CLMN: variants seen among roughly 807,000 people sequenced by gnomAD.
The protein encoded by CLMN is calmin.
CLMN carries 57 observed loss-of-function variants against 92.7 expected under a neutral mutation model. The ratio of observed to expected loss-of-function variants is 0.61; its 90% CI spans 0.50 to 0.77. The LOEUF is 0.77. CLMN is among the 30% of genes least tolerant of loss of function. The pLI is 0.00. For missense variants in CLMN, 1,158 were observed against 1,237.5 expected (o/e 0.94, Z 0.96); for synonymous variants, 466 against 470.6 (o/e 0.99, Z 0.13).
Position 95,204,211 on chromosome 14 carries a change from T to C in CLMN, c.1138A>G (p.Met380Val). 1.9e-6 allele frequency: 3 copies of C among 1,614,144 alleles called. No individual in the cohort carries two copies. The highest frequency in any genetic ancestry group is 2.5e-6 in the Non-Finnish European group (3 of 1,180,028). The change falls in exon 9 of 13, where the codon ATG becomes GTG. Residue 380 changes from methionine to valine, a missense_variant. Coordinates refer to ENST00000298912, the MANE Select transcript of CLMN (RefSeq NM_024734.4). ...HALSDSSTEF[M>V]HQIIDQVLQG... ...AGGACCTGGTCAATAATCTGGTGCA[T>C]GAACTCGGTGGAGCTGTCTGACAGC...
chr14:95,285,837 T>G (rs1033105110), intron 1 of CLMN, among the ~76,000 whole-genome samples: 1 of 151,956 alleles, frequency 6.6e-6, no homozygotes, highest in Non-Finnish European at 1.5e-5. Context: ...CCTCCACTCA[T>G]GTCCACAGCA....
At chr14:95,192,013 G>A in intron 12 of CLMN, 1 of 306,634 alleles carries the variant, frequency 3.3e-6, no homozygotes, top group South Asian at 8.5e-5. Flanking sequence ...ACACACTGAG[G>A]CTTTCGGGGT....
chr14:95,235,797 G>C (rs1442188461), intron 1 of CLMN, among the ~76,000 whole-genome samples: 5 of 152,168 alleles, frequency 3.3e-5, no homozygotes, highest in African/African-American at 1.2e-4. Flanking sequence ...CAGCTTCCGA[G>C]ACGCTGCTTG....
intron 1 of CLMN, among the ~76,000 whole-genome samples, chr14:95,264,881 T>TG (rs1283164259): frequency 2.0e-5 from 3 of 148,804 alleles, no homozygotes; most frequent in Admixed American, 1.4e-4. Flanking sequence ...GAGACCAGCC[T>TG]GGGCAACATG....
At chr14:95,268,775 GA>G (rs1899581882) in intron 1 of CLMN, among the ~76,000 whole-genome samples, 1 of 147,300 alleles carries the variant, frequency 6.8e-6, no homozygotes, top group African/African-American at 2.5e-5. Context: ...GGTATACTGG[GA>G]CCTCTCTCTC....
chr14:95,200,162 C>T (rs905720915), intron 9 of CLMN, among the ~76,000 whole-genome samples: 8 of 152,188 alleles, frequency 5.3e-5, no homozygotes, highest in South Asian at 2.1e-4. Flanking sequence ...CTTAGTCCCT[C>T]TACCCAGAAC....
intron 1 of CLMN, among the ~76,000 whole-genome samples, chr14:95,305,254 T>C (rs1901228593): frequency 1.3e-5 from 2 of 152,264 alleles, no homozygotes; most frequent in Non-Finnish European, 2.9e-5. Flanking sequence ...AAATAACTTG[T>C]CCAAAATCAT....
At chr14:95,319,670 C>T in intron 1 of CLMN, 41 bp downstream of exon 1, 1 of 1,532,202 alleles carries the variant, frequency 6.5e-7, no homozygotes, top group Non-Finnish European at 8.8e-7. Context: ...CCGGGCCCCC[C>T]GAGCGCCCAG....
intron 8 of CLMN, among the ~76,000 whole-genome samples, 187 bp downstream of exon 8, chr14:95,209,208 A>G (rs1414596047): frequency 6.6e-6 from 1 of 152,202 alleles, no homozygotes; most frequent in African/African-American, 2.4e-5. Flanking sequence ...TATCCCCCGC[A>G]TATGAGGGGG....
intron 1 of CLMN, among the ~76,000 whole-genome samples, chr14:95,255,525 C>T (rs899687597): frequency 2.6e-5 from 4 of 152,126 alleles, no homozygotes; most frequent in African/African-American, 4.8e-5. Context: ...ATATAGGGTT[C>T]GGCACTATCT....
At position 95,231,970 on chromosome 14, in the gene CLMN, G is replaced by A. The variant is rs185398437; in HGVS notation, c.83-1837C>T. ...CTTCAGATGGGACAATCGCGCCCAG[G>A]GAGATGTTGTAACTTGTCCAAGGTC... On this transcript the variant is annotated intron_variant, in intron 1 of 12. Coordinates refer to ENST00000298912, the MANE Select transcript of CLMN (RefSeq NM_024734.4). Among the ~76,000 whole-genome samples, 39 of 152,350 alleles carry A rather than the reference G, an allele frequency of 2.6e-4. No individual in the cohort carries two copies. In the East Asian group the frequency reaches 6.5e-3, roughly 26 times the overall value.
In CLMN at chr14:95,224,525, C is replaced by T. The variant is rs368403214; in HGVS notation, c.145-670G>A. 2.4e-4 allele frequency among the ~76,000 whole-genome samples: 37 copies of T among 152,192 alleles called. No homozygotes were observed. In the East Asian group the frequency reaches 6.0e-3, roughly 25 times the overall value. ...CTCGAACTCCTGACCTCAGGTGATC[C>T]GCCCGCCTCGGCCTCCCAAAGTGCT... On this transcript the variant is annotated intron_variant, in intron 2 of 12. Coordinates refer to ENST00000298912, the MANE Select transcript of CLMN (RefSeq NM_024734.4).
Position 95,188,053 on chromosome 14 carries a change from G to C in CLMN, c.*3511C>G, listed in dbSNP as rs1032520535. 3 of 152,198 alleles carry C rather than the reference G, an allele frequency of 2.0e-5. No individual in the cohort carries two copies. Among genetic ancestry groups the C allele is most frequent in the African/African-American group, 7.2e-5 (3 of 41,438 alleles). The allele number at this position is 152,198 out of a possible 1,614,324, so 9.4% of individuals were successfully genotyped here. A position where few individuals can be genotyped will look rare whatever the true frequency, so the allele number is the denominator to read the frequency against. ...CTCAAGAAACAGAATGAGCCCCAGA[G>C]AAAACACGTGCAAATACTGACAGGC... is the stretch of plus-strand genomic sequence containing the variant. On this transcript the variant is annotated 3_prime_UTR_variant, in exon 13 of 13. Transcript: ENST00000298912.
chr14:95,302,436 C>T (rs1270237652), intron 1 of CLMN, among the ~76,000 whole-genome samples: 1 of 152,250 alleles, frequency 6.6e-6, no homozygotes, highest in East Asian at 1.9e-4. Flanking sequence ...CAAAATGTTA[C>T]ATTTTCCAGT....
chr14:95,204,246 G>C lies in CLMN; in HGVS notation c.1103C>G (p.Ser368Cys), dbSNP rs757003520. The C allele has an allele frequency of 3.6e-5, 58 of 1,613,998 alleles. No individual in the cohort carries two copies. Among genetic ancestry groups the C allele is most frequent in the Non-Finnish European group, 4.7e-5 (55 of 1,180,026 alleles). Residue 368 changes from serine (S) to cysteine (C), a missense_variant, in exon 9 of 13, where the codon TCC becomes TGC. Physicochemically the swap from Ser to Cys is moderately radical, Grantham distance 112 (BLOSUM62 -1). Transcript: ENST00000298912. The stretch of plus-strand genomic sequence containing the variant: ...GGAGCTGTCTGACAGCGCATGGCTG[G>C]AAACACCATCCAGGCGGAATTCCTT... ...SMKEFRLDGV[S>C]SHALSDSSTE...
chr14:95,232,359 T>C (rs933434597), intron 1 of CLMN, among the ~76,000 whole-genome samples: 1 of 152,252 alleles, frequency 6.6e-6, no homozygotes, highest in Non-Finnish European at 1.5e-5. Flanking sequence ...TCTTTAGCAA[T>C]AAGAAAATGA....
intron 1 of CLMN, among the ~76,000 whole-genome samples, chr14:95,314,016 T>C (rs2140802671): frequency 6.6e-6 from 1 of 151,238 alleles, no homozygotes; most frequent in East Asian, 1.9e-4. Flanking sequence ...TCGTGGCTGC[T>C]GACACGTGAT....
In CLMN at chr14:95,193,978, T is replaced by C; in HGVS notation, c.2770-59A>G. ...ACCCAATTAGTAAAGATGAAATCTC[T>C]GAAACAGAAGATAAAACGATTTTAA... is the stretch of plus-strand genomic sequence containing the variant. On this transcript the variant is annotated intron_variant, in intron 11 of 12. Transcript: ENST00000298912. The C allele has an allele frequency of 5.0e-6, 8 of 1,595,146 alleles. No individual in the cohort carries two copies. The South Asian group carries it at 9.2e-5, about 18-fold the overall frequency.
chr14:95,310,597 T>C (rs1312710048), intron 1 of CLMN, among the ~76,000 whole-genome samples: 1 of 152,210 alleles, frequency 6.6e-6, no homozygotes, highest in African/African-American at 2.4e-5. Flanking sequence ...AAAGACCTGC[T>C]CCATGTTAGG....
Sources: allele counts gnomAD v4.1 joint callset (sites outside exome capture counted in the v4.1 genomes callset), GRCh38; gene constraint gnomAD v4.1.1; transcripts MANE v1.5; gene names NCBI Gene and HGNC (gene_info 2026-07-23, HGNC 2026-07-21).